DCC: variants seen among roughly 807,000 people sequenced by gnomAD.
DCC encodes netrin receptor DCC.
DCC carries 58 observed loss-of-function variants against 172.5 expected under a neutral mutation model. The observed-to-expected ratio is 0.34, with a 90% CI of 0.27 to 0.42. The LOEUF (loss-of-function observed/expected upper bound fraction) is 0.42. Ranked by LOEUF, DCC falls within the 10% of genes least tolerant of loss-of-function variation. DCC has a pLI of 1.00. For missense variants in DCC, 1,740 were observed against 1,791.0 expected (o/e 0.97, Z 0.51); for synonymous variants, 709 against 644.5 (o/e 1.10, Z -1.52).
At chr18:52,793,893 T>G (rs1169682414) in intron 2 of DCC, among the ~76,000 whole-genome samples, 4 of 152,212 alleles carry the variant, frequency 2.6e-5, no homozygotes, top group Non-Finnish European at 5.9e-5. Flanking sequence ...GAAGAGGGTA[T>G]TCTTTCTCCA....
chr18:52,599,119 G>T (rs530327315), intron 1 of DCC, among the ~76,000 whole-genome samples: 1 of 152,260 alleles, frequency 6.6e-6, no homozygotes, highest in East Asian at 1.9e-4. Context: ...TAGGTAGCAG[G>T]GTGATTAGGG....
chr18:53,528,157 T>C (rs887885922), intron 28 of DCC, among the ~76,000 whole-genome samples: 2 of 152,172 alleles, frequency 1.3e-5, no homozygotes, highest in Non-Finnish European at 2.9e-5. Flanking sequence ...ATCTGGTTGT[T>C]GTTAAAAACA....
chr18:53,499,449 A>T lies in DCC; in HGVS notation c.4050A>T (p.Leu1350=). The change falls in exon 27 of 29, where the codon CTA becomes CTT. Residue 1350 remains leucine, a synonymous_variant. Coordinates refer to ENST00000442544, the MANE Select transcript of DCC (RefSeq NM_005215.4). The stretch of plus-strand genomic sequence containing the variant: ...TCCGCAGCTTTGCTAATCCTTTGCT[A>T]CCTCCACCAATGAGTGCAATAGAAC... ...HPLRSFANPL[L]PPPMSAIEPK... 1 of 1,614,044 alleles carries T rather than the reference A, an allele frequency of 6.2e-7. No homozygotes were observed. The highest frequency in any genetic ancestry group is 8.5e-7 in the Non-Finnish European group (1 of 1,179,986).
intron 7 of DCC, among the ~76,000 whole-genome samples, chr18:53,143,750 G>C (rs1278838137): frequency 6.6e-6 from 1 of 152,174 alleles, no homozygotes; most frequent in Non-Finnish European, 1.5e-5. Context: ...AGGAAGCGTG[G>C]CATCAAGTTG....
intron 8 of DCC, among the ~76,000 whole-genome samples, chr18:53,162,835 T>A (rs1438836719): frequency 3.9e-5 from 6 of 152,228 alleles, no homozygotes; most frequent in Non-Finnish European, 8.8e-5. Context: ...CTAATCCCCT[T>A]TCTCCTCACC....
At chr18:52,484,382 G>A (rs968533492) in intron 1 of DCC, among the ~76,000 whole-genome samples, 2 of 151,994 alleles carry the variant, frequency 1.3e-5, no homozygotes, top group African/African-American at 4.8e-5. Flanking sequence ...GAAGGGAGAG[G>A]CGGAAACTGT....
chr18:52,657,666 A>T (rs1267650508), intron 1 of DCC, among the ~76,000 whole-genome samples: 3 of 152,268 alleles, frequency 2.0e-5, no homozygotes, highest in Non-Finnish European at 4.4e-5. Flanking sequence ...AGAAGCCAAG[A>T]GATGCACGTC....
chr18:52,365,713 T>C (rs1233787846), intron 1 of DCC, among the ~76,000 whole-genome samples: 3 of 152,208 alleles, frequency 2.0e-5, no homozygotes, highest in Admixed American at 2.0e-4. Flanking sequence ...ACACTTACAG[T>C]ATTGCTACAG....
rs1217816536 is a variant in DCC, at chr18:52,415,828, CT to C, written c.91+74951del. On this transcript the variant is annotated intron_variant, in intron 1 of 28. Coordinates refer to ENST00000442544, the MANE Select transcript of DCC (RefSeq NM_005215.4). ...GTTGATCCTTTCAAAAAACCAGCTCCTGGATTCATTAATTTTTGAAGGATTT... is the reference window on the plus strand; with the variant it reads ...GTTGATCCTTTCAAAAAACCAGCTCCGGATTCATTAATTTTTGAAGGATTT... Among the ~76,000 whole-genome samples the C allele has an allele frequency of 3.9e-5, 6 of 152,256 alleles. No homozygotes were observed. In the South Asian group the frequency reaches 1.0e-3, roughly 26 times the overall value.
At chr18:53,181,211 C>T (rs35390964) in intron 9 of DCC, among the ~76,000 whole-genome samples, 2,408 of 152,158 alleles carry the variant, frequency 0.016, 53 homozygotes, top group African/African-American at 0.054. Context: ...TTTTCATCTC[C>T]TAGTTCTAAA....
intron 12 of DCC, among the ~76,000 whole-genome samples, chr18:53,300,844 G>C (rs2144770416): frequency 6.6e-6 from 1 of 152,196 alleles, no homozygotes; most frequent in Middle Eastern, 3.4e-3. Context: ...GGTAGATCTG[G>C]AAGAAGGAGG....
chr18:52,934,061 G>GA (rs891261904), intron 5 of DCC, among the ~76,000 whole-genome samples: 1 of 151,946 alleles, frequency 6.6e-6, no homozygotes, highest in African/African-American at 2.4e-5. Flanking sequence ...AACAAACCAA[G>GA]ACATCCCAAA....
At chr18:53,206,387 A>G (rs1211949290) in intron 10 of DCC, among the ~76,000 whole-genome samples, 7 of 54,600 alleles carry the variant, frequency 1.3e-4, no homozygotes, top group Admixed American at 4.2e-4. Context: ...ATATGTATAT[A>G]TGTATATATA....
chr18:52,458,391 T>A (rs1250432727), intron 1 of DCC, among the ~76,000 whole-genome samples: 1 of 152,172 alleles, frequency 6.6e-6, no homozygotes, highest in Non-Finnish European at 1.5e-5. Context: ...TTAGGGGTAC[T>A]GGGTGCAGTA....
intron 2 of DCC, among the ~76,000 whole-genome samples, chr18:52,881,179 C>A (rs1407348546): frequency 6.6e-6 from 1 of 152,056 alleles, no homozygotes; most frequent in East Asian, 1.9e-4. Context: ...TTATTCAAAT[C>A]TTTTGACCAT....
At chr18:53,124,969 C>CAAA (rs34682402) in intron 7 of DCC, among the ~76,000 whole-genome samples, 1 of 137,798 alleles carries the variant, frequency 7.3e-6, no homozygotes, top group Admixed American at 7.3e-5. Context: ...GACTCCATCT[C>CAAA]AAAAAAAAAA....
At chr18:53,419,792 T>C (rs924255026) in intron 21 of DCC, among the ~76,000 whole-genome samples, 1 of 152,016 alleles carries the variant, frequency 6.6e-6, no homozygotes, top group Non-Finnish European at 1.5e-5. Context: ...AGAAAGGCCA[T>C]AAATCCAACC....
chr18:52,952,299 G>A (rs1218157703), intron 5 of DCC, among the ~76,000 whole-genome samples: 2 of 152,154 alleles, frequency 1.3e-5, no homozygotes, highest in Non-Finnish European at 2.9e-5. Context: ...CAGTTCAGCA[G>A]TATCTAAAAT....
At chr18:53,400,310 CAGAA>C (rs1441343041) in intron 18 of DCC, among the ~76,000 whole-genome samples, 1 of 151,936 alleles carries the variant, frequency 6.6e-6, no homozygotes, top group Non-Finnish European at 1.5e-5. Context: ...AAGCAGGTGT[CAGAA>C]AGATGATGTG....
Sources: allele counts gnomAD v4.1 joint callset (sites outside exome capture counted in the v4.1 genomes callset), GRCh38; gene constraint gnomAD v4.1.1; transcripts MANE v1.5; gene names NCBI Gene and HGNC (gene_info 2026-07-23, HGNC 2026-07-21).